HYCC1: variants seen among roughly 807,000 people sequenced by gnomAD.
HYCC1 encodes hyccin.
the HYCC1 span, among the ~76,000 whole-genome samples, chr7:22,979,019 C>CA: frequency 6.6e-6 from 1 of 152,070 alleles, no homozygotes; most frequent in Non-Finnish European, 1.5e-5. Flanking sequence ...TGATTGCACA[C>CA]AAGTCATAAT....
At chr7:22,965,610 A>AG in the HYCC1 span, among the ~76,000 whole-genome samples, 1 of 150,872 alleles carries the variant, frequency 6.6e-6, no homozygotes, top group Non-Finnish European at 1.5e-5. Context: ...AAAAAAAAAA[A>AG]CAAAGAAATA....
the HYCC1 span, chr7:22,946,842 T>G: frequency 1.2e-6 from 1 of 844,638 alleles, no homozygotes; most frequent in Non-Finnish European, 1.8e-6. Context: ...TTAAGAGTCA[T>G]TGAGAAATGT....
At chr7:22,995,425 T>G in the HYCC1 span, among the ~76,000 whole-genome samples, 1 of 152,118 alleles carries the variant, frequency 6.6e-6, no homozygotes, top group Non-Finnish European at 1.5e-5. Context: ...CAATATTTTC[T>G]TCCTATCTGC....
chr7:22,974,816 A>G, the HYCC1 span, among the ~76,000 whole-genome samples: 1 of 152,190 alleles, frequency 6.6e-6, no homozygotes, highest in Non-Finnish European at 1.5e-5. Flanking sequence ...GTCAGGGGGT[A>G]ATTGAATCAT....
the HYCC1 span, among the ~76,000 whole-genome samples, chr7:22,905,360 G>A: frequency 1.4e-5 from 2 of 146,650 alleles, no homozygotes; most frequent in South Asian, 2.2e-4. Context: ...TTAGAGGCAC[G>A]CACCAGGATA....
chr7:22,985,710 G>A, the HYCC1 span: 3 of 151,700 alleles, frequency 2.0e-5, no homozygotes, highest in African/African-American at 4.8e-5. Context: ...TTCCATTTCC[G>A]TCATTTGATC....
At chr7:23,013,402 G>A in the HYCC1 span, among the ~76,000 whole-genome samples, 1 of 152,264 alleles carries the variant, frequency 6.6e-6, no homozygotes, top group Non-Finnish European at 1.5e-5. Context: ...GGGGTCGACA[G>A]TGACCATTGT....
At chr7:22,983,214 A>G in the HYCC1 span, among the ~76,000 whole-genome samples, 1 of 151,732 alleles carries the variant, frequency 6.6e-6, no homozygotes, top group Non-Finnish European at 1.5e-5. Context: ...CTGAAGTACC[A>G]GCTATTGGGG....
At chr7:22,977,426 A>G in the HYCC1 span, 1 of 1,477,666 alleles carries the variant, frequency 6.8e-7, no homozygotes, top group Non-Finnish European at 9.4e-7. Context: ...TATTTCCTAT[A>G]GAAGTGAAAG....
the HYCC1 span, among the ~76,000 whole-genome samples, chr7:22,975,065 G>C: frequency 6.6e-6 from 1 of 152,086 alleles, no homozygotes; most frequent in South Asian, 2.1e-4. Flanking sequence ...CTTCATAGCA[G>C]TATGAAAATG....
chr7:22,914,817 TCTTCCTCAGCCTCCGCTCCC>T, the HYCC1 span, among the ~76,000 whole-genome samples: 2 of 152,022 alleles, frequency 1.3e-5, no homozygotes, highest in African/African-American at 4.8e-5. Flanking sequence ...AGGTCCCAAT[TCTTCCTCAGCCTCCGCTCCC>T]CTACTCTATA....
chr7:22,946,542 C>T, the HYCC1 span, among the ~76,000 whole-genome samples: 1 of 152,052 alleles, frequency 6.6e-6, no homozygotes, highest in South Asian at 2.1e-4. Context: ...TACCAAGGAA[C>T]TTTTAAAAAA....
At chr7:22,937,244 G>A in the HYCC1 span, 3 of 150,888 alleles carry the variant, frequency 2.0e-5, no homozygotes, top group Non-Finnish European at 4.4e-5. Flanking sequence ...TAGGCTTTCA[G>A]TAGGCCGTAG....
At chr7:22,986,098 T>A in the HYCC1 span, among the ~76,000 whole-genome samples, 1 of 151,996 alleles carries the variant, frequency 6.6e-6, no homozygotes, top group Non-Finnish European at 1.5e-5. Flanking sequence ...ATGTTCAGCT[T>A]ATATACTAGC....
chr7:22,960,822 G>A, the HYCC1 span, among the ~76,000 whole-genome samples: 2 of 152,168 alleles, frequency 1.3e-5, no homozygotes, highest in Non-Finnish European at 2.9e-5. Flanking sequence ...GGCCGAGGGG[G>A]CCTGATCACC....
At chr7:22,987,913 C>T in the HYCC1 span, among the ~76,000 whole-genome samples, 15 of 152,162 alleles carry the variant, frequency 9.9e-5, no homozygotes, top group African/African-American at 3.6e-4. Flanking sequence ...AGAAGCTTTT[C>T]TAGAAATATG....
At chr7:22,937,247 G>A in the HYCC1 span, 1 of 149,652 alleles carries the variant, frequency 6.7e-6, no homozygotes, top group Admixed American at 6.8e-5. Flanking sequence ...GCTTTCAGTA[G>A]GCCGTAGTGG....
the HYCC1 span, among the ~76,000 whole-genome samples, chr7:22,922,269 G>A: frequency 6.6e-6 from 1 of 152,108 alleles, no homozygotes; most frequent in Non-Finnish European, 1.5e-5. Flanking sequence ...TTGAAAGACA[G>A]CGATTGTCAG....
chr7:22,944,234 C>T, the HYCC1 span: 2 of 151,952 alleles, frequency 1.3e-5, no homozygotes, highest in African/African-American at 4.8e-5. Context: ...CTCAGCCGTG[C>T]TTTCTCTCTC....
Sources: gnomAD v4.1 joint callset for allele counts (sites outside exome capture counted in the v4.1 genomes callset) on GRCh38, gnomAD v4.1.1 for gene constraint, MANE v1.5 for transcripts, NCBI Gene and HGNC (gene_info 2026-07-23, HGNC 2026-07-21) for gene names.